KAZN: variants seen among roughly 807,000 people sequenced by gnomAD.
The protein encoded by KAZN is kazrin.
In KAZN, 40 loss-of-function variants were observed where a neutral mutation model predicts 87.4. The ratio of observed to expected loss-of-function variants is 0.46; its 90% CI spans 0.36 to 0.60. The LOEUF (loss-of-function observed/expected upper bound fraction) is 0.60. Among genes scored for constraint, KAZN ranks in the 20% least tolerant of loss-of-function variants. The pLI is 0.00. For missense variants in KAZN, 898 were observed against 1,073.9 expected, an observed-to-expected ratio of 0.84 and a Z score of 2.29; for synonymous variants, 466 against 458.3, an observed-to-expected ratio of 1.02 and a Z score of -0.22.
At chr1:14,532,219 G>A (rs917608811) in intron 2 of KAZN, among the ~76,000 whole-genome samples, 2 of 151,984 alleles carry the variant, frequency 1.3e-5, no homozygotes, top group Non-Finnish European at 2.9e-5. Flanking sequence ...TCAGCTACTA[G>A]AAACAATGTC....
chr1:15,016,575 C>T (rs1476514802), intron 2 of KAZN, among the ~76,000 whole-genome samples: 9 of 152,246 alleles, frequency 5.9e-5, no homozygotes, highest in Non-Finnish European at 1.3e-4. Context: ...CATGAGCCAC[C>T]GTGCCCAGCC....
At chr1:14,519,071 C>T (rs765722491) in intron 2 of KAZN, among the ~76,000 whole-genome samples, 15 of 151,994 alleles carry the variant, frequency 9.9e-5, no homozygotes, top group Non-Finnish European at 1.6e-4. Context: ...GTAAGGGAAG[C>T]GGAGTTTAGA....
chr1:14,420,047 C>G (rs1665281346), intron 2 of KAZN, among the ~76,000 whole-genome samples: 2 of 152,166 alleles, frequency 1.3e-5, no homozygotes, highest in Admixed American at 6.5e-5. Context: ...GTCCATTTTA[C>G]AGAGAGCTGA....
At chr1:14,218,721 G>A (rs1184483648) in intron 2 of KAZN, among the ~76,000 whole-genome samples, 1 of 151,938 alleles carries the variant, frequency 6.6e-6, no homozygotes, top group East Asian at 1.9e-4. Context: ...TTTTTAAACT[G>A]GTAAATAATG....
intron 1 of KAZN, among the ~76,000 whole-genome samples, chr1:14,927,659 A>G (rs568231959): frequency 5.3e-5 from 8 of 152,288 alleles, no homozygotes; most frequent in Non-Finnish European, 1.0e-4. Context: ...GAGGCACTCT[A>G]CAGGTCTGTA....
intron 2 of KAZN, among the ~76,000 whole-genome samples, chr1:14,297,470 C>A (rs1191543892): frequency 2.0e-5 from 3 of 152,164 alleles, no homozygotes; most frequent in African/African-American, 7.2e-5. Flanking sequence ...GCGGTAGAGA[C>A]AGGCAAAGGA....
chr1:15,064,646 C>A (rs185498684), intron 7 of KAZN, among the ~76,000 whole-genome samples: 16 of 152,332 alleles, frequency 1.1e-4, no homozygotes, highest in Admixed American at 8.5e-4. Flanking sequence ...GAGTCATGAT[C>A]AGAAATGGAG....
rs1646371808 is a variant in KAZN, at chr1:14,810,463, G to A, written c.227-150221G>A. 1.3e-5 allele frequency among the ~76,000 whole-genome samples: 2 copies of A among 152,062 alleles called. 1 individual carries two copies. Among genetic ancestry groups the A allele is most frequent in the South Asian group, 4.1e-4 (2 of 4,824 alleles). On this transcript the variant is annotated intron_variant, in intron 1 of 14. Coordinates refer to ENST00000376030, the MANE Select transcript of KAZN (RefSeq NM_201628.3). ...CCAGCCATTGTTTGGCACAGTGTGA[G>A]GTTTAGCAAATGTCAGCAGAATGAA...
chr1:14,479,574 G>A (rs1367701096), intron 2 of KAZN, among the ~76,000 whole-genome samples: 2 of 152,110 alleles, frequency 1.3e-5, no homozygotes, highest in Admixed American at 6.5e-5. Context: ...CTTCCCATTT[G>A]CATTCCTTTT....
Position 14,923,737 on chromosome 1 carries a change from C to T in KAZN, c.227-36947C>T, listed in dbSNP as rs78015092. On this transcript the variant is annotated intron_variant, in intron 1 of 14. Transcript: ENST00000376030. This position sits in a 1 kb window ranked among gnomAD's most constrained non-coding sequence, Gnocchi z 4.2. Reference sequence around the variant, plus strand: ...GCGAAGGAAAGGTCCCGGGGCTGCTCCCCTGCCCGCCCACTCCTTCTGACC... The same window carrying T: ...GCGAAGGAAAGGTCCCGGGGCTGCTTCCCTGCCCGCCCACTCCTTCTGACC... 3.9e-3 allele frequency among the ~76,000 whole-genome samples: 594 copies of T among 152,324 alleles called. 7 individuals carry two copies. The highest frequency in any genetic ancestry group is 0.013 in the African/African-American group (544 of 41,572).
chr1:14,005,053 G>T (rs753043551), intron 1 of KAZN, among the ~76,000 whole-genome samples: 1 of 152,188 alleles, frequency 6.6e-6, no homozygotes, highest in South Asian at 2.1e-4. Context: ...ATAACTGCAA[G>T]AAATAAATTT....
chr1:14,069,805 G>A (rs1307406009), intron 1 of KAZN, among the ~76,000 whole-genome samples: 1 of 152,140 alleles, frequency 6.6e-6, no homozygotes. Context: ...CACAAGACAA[G>A]GCCATCCTAG....
intron 2 of KAZN, among the ~76,000 whole-genome samples, chr1:14,320,499 C>G (rs1175207822): frequency 6.6e-6 from 1 of 152,084 alleles, no homozygotes; most frequent in East Asian, 1.9e-4. Flanking sequence ...TTTCTCTACC[C>G]TACACACCTG....
chr1:14,912,572 G>A (rs1386477771), intron 1 of KAZN, among the ~76,000 whole-genome samples: 1 of 152,014 alleles, frequency 6.6e-6, no homozygotes, highest in African/African-American at 2.4e-5. Flanking sequence ...GTAGAGACAG[G>A]GTTTCACCAT....
chr1:14,702,562 T>C (rs1442605668), intron 1 of KAZN, among the ~76,000 whole-genome samples: 1 of 152,184 alleles, frequency 6.6e-6, no homozygotes, highest in African/African-American at 2.4e-5. Flanking sequence ...AATCCCTGTT[T>C]TGTTTTTTCT....
Position 13,981,095 on chromosome 1 carries a change from A to ATATATATATATATATATAAAAG in KAZN, c.91+87354_91+87355insATAAAAGTATATATATATATAT, listed in dbSNP as rs1196413078. ...AGGTATAAAAAATTACTCTTTATATATATATATATATATATGTATATATAA... is the reference window on the plus strand; with the variant it reads ...AGGTATAAAAAATTACTCTTTATATATATATATATATATATATAAAAGTATATATATATATATGTATATATAA... On this transcript the variant is annotated intron_variant, in intron 1 of 16. Transcript: ENST00000636203. 9.6e-5 allele frequency among the ~76,000 whole-genome samples: 10 copies of ATATATATATATATATATAAAAG among 104,244 alleles called. 1 individual carries two copies. Among genetic ancestry groups the ATATATATATATATATATAAAAG allele is most frequent in the Admixed American group, 9.3e-5 (1 of 10,792 alleles). The allele number at this position is 104,244 out of a possible 152,430, so 68.4% of individuals were successfully genotyped here.
chr1:14,582,117 T>C (rs1438211910), intron 2 of KAZN, among the ~76,000 whole-genome samples: 2 of 151,878 alleles, frequency 1.3e-5, no homozygotes, highest in Non-Finnish European at 2.9e-5. Flanking sequence ...TATCTGTTAG[T>C]ACAGATCACA....
chr1:14,385,328 T>G (rs1414714462), intron 2 of KAZN, among the ~76,000 whole-genome samples: 1 of 152,210 alleles, frequency 6.6e-6, no homozygotes, highest in Non-Finnish European at 1.5e-5. Flanking sequence ...TCTGCTCTGA[T>G]TTTAGTTATT....
At chr1:14,047,876 AG>A (rs1382384062) in intron 1 of KAZN, among the ~76,000 whole-genome samples, 1 of 127,468 alleles carries the variant, frequency 7.8e-6, no homozygotes, top group Admixed American at 7.3e-5. Context: ...AAAAGAAAAA[AG>A]AAAAAAAAAA....
Sources: gnomAD v4.1 joint callset for allele counts (sites outside exome capture counted in the v4.1 genomes callset) on GRCh38, gnomAD v4.1.1 for gene constraint, Gnocchi (gnomAD v3.1) non-coding constraint, MANE v1.5 for transcripts, NCBI Gene and HGNC (gene_info 2026-07-23, HGNC 2026-07-21) for gene names.